Variants in TUB observed in about 807,000 individuals in gnomAD.
The protein encoded by TUB is TUB bipartite transcription factor.
A neutral mutation model predicts 59.7 loss-of-function variants in TUB; 33 were observed. That is an observed-to-expected ratio of 0.55 (90% CI 0.42 to 0.74). The LOEUF (loss-of-function observed/expected upper bound fraction) is 0.74, where lower values mean the gene tolerates loss of function less well. Among genes scored for constraint, TUB ranks in the 30% least tolerant of loss-of-function variants. The probability of loss-of-function intolerance (pLI) is 0.00; values close to 1 mark genes in which losing one functional copy is unlikely to be tolerated. For synonymous variants in TUB, 293 were observed against 256.4 expected, an observed-to-expected ratio of 1.14 and a Z score of -1.36; for missense variants, 659 against 672.0, an observed-to-expected ratio of 0.98 and a Z score of 0.21.
intron 3 of TUB, among the ~76,000 whole-genome samples, chr11:8,092,947 A>G (rs1026531161): frequency 6.6e-6 from 1 of 152,106 alleles, no homozygotes; most frequent in African/African-American, 2.4e-5. Context: ...GGCTATACTC[A>G]TTCATGTTAC....
intron 2 of TUB, among the ~76,000 whole-genome samples, chr11:8,046,564 C>G (rs531228353): frequency 6.6e-6 from 1 of 152,270 alleles, no homozygotes; most frequent in South Asian, 2.1e-4. Context: ...TAAATAAAAT[C>G]CTTTCAATTT....
intron 5 of TUB, 119 bp from the exon 6 acceptor site, chr11:8,096,566 C>A: frequency 1.4e-6 from 1 of 732,484 alleles, no homozygotes; most frequent in East Asian, 2.5e-5. Flanking sequence ...AGAGTGTGTG[C>A]ATAAGTTTGT....
chr11:8,034,448 C>T (rs1171926817), upstream of TUB, among the ~76,000 whole-genome samples: 2 of 152,068 alleles, frequency 1.3e-5, no homozygotes, highest in African/African-American at 2.4e-5. Context: ...TTGGTGTGAC[C>T]CCAGGAGGGA....
intron 1 of TUB, among the ~76,000 whole-genome samples, chr11:8,082,650 T>G (rs970050722): frequency 5.9e-5 from 9 of 152,204 alleles, no homozygotes; most frequent in Non-Finnish European, 1.0e-4. Flanking sequence ...TGCTCTCTGT[T>G]AGAGCCTCAT....
At chr11:8,046,327 T>A (rs932869528) in intron 2 of TUB, among the ~76,000 whole-genome samples, 1 of 152,214 alleles carries the variant, frequency 6.6e-6, no homozygotes, top group African/African-American at 2.4e-5. Context: ...TACTCCATTG[T>A]GACTGAAGGC....
At chr11:8,071,595 C>T (rs1217410502) in intron 2 of TUB, among the ~76,000 whole-genome samples, 1 of 152,170 alleles carries the variant, frequency 6.6e-6, no homozygotes, top group African/African-American at 2.4e-5. Context: ...CTGTAAGGAG[C>T]AAGGGAAGTT....
At chr11:8,019,878 C>T (rs1315893817) in intron 1 of TUB, among the ~76,000 whole-genome samples, 1 of 152,112 alleles carries the variant, frequency 6.6e-6, no homozygotes, top group East Asian at 1.9e-4. Flanking sequence ...TTCCGCGGGG[C>T]GAGATGGCAG....
At chr11:8,071,727 CAG>C (rs761510054) in intron 2 of TUB, among the ~76,000 whole-genome samples, 1 of 152,266 alleles carries the variant, frequency 6.6e-6, no homozygotes, top group South Asian at 2.1e-4. Context: ...CACAGCATGA[CAG>C]AGAGAGCTGG....
At chr11:8,091,627 C>G (rs1943778707) in intron 3 of TUB, among the ~76,000 whole-genome samples, 1 of 152,194 alleles carries the variant, frequency 6.6e-6, no homozygotes, top group Non-Finnish European at 1.5e-5. Context: ...CTCCTTCATG[C>G]TAATTCCCCT....
intron 2 of TUB, among the ~76,000 whole-genome samples, chr11:8,071,546 G>A (rs1943360267): frequency 6.6e-6 from 1 of 152,166 alleles, no homozygotes; most frequent in African/African-American, 2.4e-5. Flanking sequence ...TAGATCAAGT[G>A]AGAACATGGG....
At chr11:8,064,728 G>A (rs1399608243) in intron 2 of TUB, among the ~76,000 whole-genome samples, 1 of 152,196 alleles carries the variant, frequency 6.6e-6, no homozygotes, top group East Asian at 1.9e-4. Context: ...TAGAAACTAG[G>A]TGCCATGGCT....
intron 2 of TUB, among the ~76,000 whole-genome samples, chr11:8,064,207 G>T (rs1174482677): frequency 6.6e-6 from 1 of 152,188 alleles, no homozygotes; most frequent in African/African-American, 2.4e-5. Flanking sequence ...AGCATCACTT[G>T]CCCCAGGGAG....
chr11:8,058,757 A>T (rs575716084), intron 2 of TUB, among the ~76,000 whole-genome samples: 1 of 152,374 alleles, frequency 6.6e-6, no homozygotes, highest in East Asian at 1.9e-4. Flanking sequence ...TTAAGCTGGA[A>T]CTACAGTAAT....
At chr11:8,019,554 C>T (rs886622893) in intron 1 of TUB, among the ~76,000 whole-genome samples, 1 of 152,112 alleles carries the variant, frequency 6.6e-6, no homozygotes, top group African/African-American at 2.4e-5. Flanking sequence ...GTAGTGTCCC[C>T]ACACCCACGG....
At chr11:8,083,907 A>G (rs7944254) in intron 1 of TUB, among the ~76,000 whole-genome samples, 85,271 of 151,960 alleles carry the variant, frequency 0.56, 24,796 homozygotes, top group Middle Eastern at 0.66. Context: ...AAAATGGGAG[A>G]CTTGGGCTGA....
In TUB at chr11:8,086,279, G is replaced by T. The variant is rs188797887; in HGVS notation, c.39-3331G>T. On this transcript the variant is annotated intron_variant, in intron 1 of 11. Transcript: ENST00000299506. ...TATCGTTTAGGTCAGCCTAGAACAG[G>T]GCCCATCAGAAACAGGCAGGCTGGG... 9.7e-4 allele frequency among the ~76,000 whole-genome samples: 147 copies of T among 152,266 alleles called. 1 individual carries two copies. Among genetic ancestry groups the T allele is most frequent in the Middle Eastern group, 3.4e-3 (1 of 294 alleles).
chr11:8,087,470 G>C (rs1048661662), intron 1 of TUB, among the ~76,000 whole-genome samples: 1 of 152,208 alleles, frequency 6.6e-6, no homozygotes, highest in African/African-American at 2.4e-5. Context: ...AGGTTGCACA[G>C]GGGCCAGGCC....
At position 8,100,507 on chromosome 11, in the gene TUB, C is replaced by CA. The variant is rs1457696301; in HGVS notation, c.1124dup (p.Asn375LysfsTer23). On this transcript the variant is annotated frameshift_variant, in exon 10 of 12. Coordinates refer to ENST00000299506, the MANE Select transcript of TUB (RefSeq NM_177972.3). LOFTEE classifies it high-confidence loss of function. ...GTGTTGCGTTCTCTTTCCCAGGAGA[C>CA]AAACGTCTTAGGCTTCAAGGGGCCT... The CA allele has an allele frequency of 6.2e-7, 1 of 1,614,042 alleles. No homozygotes were observed. The highest frequency in any genetic ancestry group is 1.1e-5 in the South Asian group (1 of 91,052).
intron 3 of TUB, among the ~76,000 whole-genome samples, chr11:8,090,587 G>T (rs902210314): frequency 6.6e-6 from 1 of 152,210 alleles, no homozygotes; most frequent in South Asian, 2.1e-4. Flanking sequence ...CATTCTGAGA[G>T]GAATCCGTCT....
Sources: gnomAD v4.1 joint callset for allele counts (sites outside exome capture counted in the v4.1 genomes callset) on GRCh38, gnomAD v4.1.1 for gene constraint, MANE v1.5 for transcripts, NCBI Gene and HGNC (gene_info 2026-07-23, HGNC 2026-07-21) for gene names.